Variants in LOC128462377 observed in about 807,000 individuals in gnomAD.
At chr16:89,380,298 G>A in the LOC128462377 span, among the ~76,000 whole-genome samples, 2 of 152,174 alleles carry the variant, frequency 1.3e-5, no homozygotes, top group Admixed American at 6.5e-5. Flanking sequence ...TTTTAGTAGA[G>A]ATGGGGTTTC....
chr16:89,406,673 G>A, the LOC128462377 span, among the ~76,000 whole-genome samples: 7 of 152,144 alleles, frequency 4.6e-5, no homozygotes, highest in East Asian at 3.9e-4. Context: ...CTGTGATGCC[G>A]GCATCTGCCT....
chr16:89,416,485 G>A, the LOC128462377 span, among the ~76,000 whole-genome samples: 2 of 152,164 alleles, frequency 1.3e-5, no homozygotes, highest in Admixed American at 1.3e-4. Flanking sequence ...TTTTAATAGA[G>A]ATGGGGTTTC....
At chr16:89,398,353 C>G in the LOC128462377 span, among the ~76,000 whole-genome samples, 8 of 89,164 alleles carry the variant, frequency 9.0e-5, 2 homozygotes, top group African/African-American at 2.9e-4. Context: ...CCTCAGCACT[C>G]TAGGAGGCTG....
At chr16:89,397,160 C>T in the LOC128462377 span, among the ~76,000 whole-genome samples, 11 of 152,148 alleles carry the variant, frequency 7.2e-5, no homozygotes, top group Non-Finnish European at 1.5e-4. Context: ...CCCACAGAGC[C>T]AGAGCTCCTC....
At chr16:89,334,557 C>T in the LOC128462377 span, among the ~76,000 whole-genome samples, 36 of 152,160 alleles carry the variant, frequency 2.4e-4, no homozygotes, top group South Asian at 6.2e-4. Context: ...AGTGGGCATG[C>T]GGCATGCTAT....
chr16:89,384,874 GTTTTCTTTTTTTTTTT>G, the LOC128462377 span, among the ~76,000 whole-genome samples: 1 of 72,752 alleles, frequency 1.4e-5, no homozygotes, highest in Non-Finnish European at 2.6e-5. Context: ...ATGAGAAATA[GTTTTCTTTTTTTTTTT>G]TTTTTTTTTT....
At chr16:89,322,347 C>T in the LOC128462377 span, among the ~76,000 whole-genome samples, 2 of 152,228 alleles carry the variant, frequency 1.3e-5, no homozygotes, top group East Asian at 1.9e-4. Context: ...CAGGCCTTTA[C>T]GTACGTCCTG....
chr16:89,360,181 G>C, the LOC128462377 span, among the ~76,000 whole-genome samples: 2 of 152,120 alleles, frequency 1.3e-5, no homozygotes, highest in Non-Finnish European at 2.9e-5. Context: ...TCCTGAGTTA[G>C]TTTGCTGAGG....
At chr16:89,385,801 T>C in the LOC128462377 span, among the ~76,000 whole-genome samples, 5 of 152,364 alleles carry the variant, frequency 3.3e-5, no homozygotes, top group African/African-American at 1.2e-4. Context: ...CCTGCCTGCC[T>C]CACCCCCGCC....
the LOC128462377 span, among the ~76,000 whole-genome samples, chr16:89,397,674 C>G: frequency 6.6e-6 from 1 of 152,188 alleles, no homozygotes; most frequent in Non-Finnish European, 1.5e-5. Flanking sequence ...CCCAGTTTTA[C>G]AGTGTGCTTT....
the LOC128462377 span, among the ~76,000 whole-genome samples, chr16:89,394,820 T>C: frequency 6.6e-6 from 1 of 151,080 alleles, no homozygotes; most frequent in Non-Finnish European, 1.5e-5. Context: ...ACACATGAGG[T>C]TATTGAGTTA....
At chr16:89,378,711 C>G in the LOC128462377 span, among the ~76,000 whole-genome samples, 1 of 152,212 alleles carries the variant, frequency 6.6e-6, no homozygotes. Flanking sequence ...TCCCGAGTAG[C>G]TGGGATTACA....
the LOC128462377 span, chr16:89,324,492 TC>T: frequency 4.4e-6 from 2 of 456,400 alleles, no homozygotes; most frequent in African/African-American, 4.0e-5. Context: ...GTGTAACTGT[TC>T]CTGGGAGCAT....
the LOC128462377 span, among the ~76,000 whole-genome samples, chr16:89,405,781 T>A: frequency 1.3e-5 from 2 of 152,064 alleles, no homozygotes; most frequent in East Asian, 3.9e-4. Flanking sequence ...AGGGGTCAAA[T>A]TCCTCACACC....
the LOC128462377 span, among the ~76,000 whole-genome samples, chr16:89,376,359 C>T: frequency 6.6e-6 from 1 of 152,196 alleles, no homozygotes; most frequent in African/African-American, 2.4e-5. Flanking sequence ...GCAGCTTCTG[C>T]CAACCAAGAG....
chr16:89,364,818 A>G, the LOC128462377 span, among the ~76,000 whole-genome samples: 1 of 152,202 alleles, frequency 6.6e-6, no homozygotes, highest in Non-Finnish European at 1.5e-5. Flanking sequence ...TCCAAGTGGA[A>G]GCTTGCTCAG....
At chr16:89,362,752 C>T in the LOC128462377 span, among the ~76,000 whole-genome samples, 39 of 152,318 alleles carry the variant, frequency 2.6e-4, 1 homozygote, top group African/African-American at 8.9e-4. Context: ...TTATACTGGT[C>T]GAAGCAAGCA....
chr16:89,417,465 G>A, the LOC128462377 span, among the ~76,000 whole-genome samples: 5 of 152,258 alleles, frequency 3.3e-5, no homozygotes, highest in African/African-American at 4.8e-5. Context: ...GCCCTACAGC[G>A]ACACGTGCTT....
chr16:89,397,027 T>C, the LOC128462377 span, among the ~76,000 whole-genome samples: 2 of 152,144 alleles, frequency 1.3e-5, no homozygotes, highest in African/African-American at 4.8e-5. Context: ...TACAGGATTT[T>C]TTTTTTTTTA....
Sources: allele counts gnomAD v4.1 joint callset (sites outside exome capture counted in the v4.1 genomes callset), GRCh38; gene constraint gnomAD v4.1.1; transcripts MANE v1.5.